The following FILIP1 variants were observed in gnomAD, a reference collection of about 807,000 sequenced individuals.
FILIP1 encodes the protein filamin-A-interacting protein 1.
FILIP1 carries 61 observed loss-of-function variants against 102.1 expected under a neutral mutation model. The observed-to-expected ratio is 0.60, with a 90% CI of 0.49 to 0.74. The LOEUF is 0.74. Among genes scored for constraint, FILIP1 ranks in the 30% least tolerant of loss-of-function variants. The probability of loss-of-function intolerance (pLI) is 0.00; values close to 1 mark genes in which losing one functional copy is unlikely to be tolerated. For missense variants in FILIP1, 1,314 were observed against 1,441.2 expected (o/e 0.91, Z 1.43); for synonymous variants, 491 against 526.9 (o/e 0.93, Z 0.93).
rs1300853700 is a variant in FILIP1, at chr6:75,420,843, G to A, written c.-6-5865C>T. On this transcript the variant is annotated intron_variant, in intron 1 of 5. Transcript: ENST00000237172. Reference sequence around the variant, plus strand: ...ATTGTTATTGCCCCAAACATAATCTGTTTAAGGACATTTAATAAGACTTCT... The same window carrying A: ...ATTGTTATTGCCCCAAACATAATCTATTTAAGGACATTTAATAAGACTTCT... Among the ~76,000 whole-genome samples, 5 of 152,054 alleles carry A rather than the reference G, an allele frequency of 3.3e-5. 1 individual carries two copies. The South Asian group carries it at 6.2e-4, about 19-fold the overall frequency.
intron 1 of FILIP1, among the ~76,000 whole-genome samples, chr6:75,478,053 G>A (rs1779538417): frequency 6.6e-6 from 1 of 152,182 alleles, no homozygotes. Context: ...CTCTTTACCT[G>A]TGGGTATGAG....
chr6:75,372,779 AAAG>A (rs1775616122), intron 2 of FILIP1, among the ~76,000 whole-genome samples: 1 of 79,440 alleles, frequency 1.3e-5, no homozygotes, highest in South Asian at 4.9e-4. Context: ...AGAAAGAAAG[AAAG>A]AAAGAAAGAA....
intron 4 of FILIP1, among the ~76,000 whole-genome samples, chr6:75,342,539 C>T (rs1774448557): frequency 6.6e-6 from 1 of 152,218 alleles, no homozygotes; most frequent in East Asian, 1.9e-4. Context: ...GCCTAGTTTC[C>T]TTTAGTAAAT....
Position 75,353,383 on chromosome 6 carries a change from T to C in FILIP1, c.629+156A>G, listed in dbSNP as rs372053792. Among the ~76,000 whole-genome samples, 45 of 152,316 alleles carry C rather than the reference T, an allele frequency of 3.0e-4. No individual in the cohort carries two copies. The East Asian group carries it at 8.7e-3, about 29-fold the overall frequency. On this transcript the variant is annotated intron_variant, in intron 4 of 5. Transcript: ENST00000237172. ...TAATAATCTCAGGTAAAATTCTGTA[T>C]CATTCTCTATGGTTACCACCCATTC...
At chr6:75,353,389 T>G in intron 4 of FILIP1, 150 bp downstream of exon 4, 2 of 704,660 alleles carry the variant, frequency 2.8e-6, no homozygotes, top group Admixed American at 2.7e-5. Flanking sequence ...TGTATCATTC[T>G]CTATGGTTAC....
At position 75,420,903 on chromosome 6, in the gene FILIP1, T is replaced by C. The variant is rs192197882; in HGVS notation, c.-6-5925A>G. Among the ~76,000 whole-genome samples the C allele has an allele frequency of 3.1e-3, 472 of 152,282 alleles. 4 individuals carry two copies. Among genetic ancestry groups the C allele is most frequent in the Non-Finnish European group, 3.9e-3 (267 of 68,018 alleles). On this transcript the variant is annotated intron_variant, in intron 1 of 5. Transcript: ENST00000237172. ...TGAAATACCAATTGATAGACACCAT[T>C]TGACGGTTTGAATTTATAACATTTT...
intron 1 of FILIP1, among the ~76,000 whole-genome samples, chr6:75,455,558 A>G (rs908883323): frequency 2.6e-5 from 4 of 152,118 alleles, no homozygotes; most frequent in African/African-American, 4.8e-5. Flanking sequence ...TTGTGGGGGG[A>G]AAATTTTTAA....
intron 2 of FILIP1, among the ~76,000 whole-genome samples, chr6:75,382,988 C>T (rs1775953739): frequency 6.6e-6 from 1 of 152,194 alleles, no homozygotes; most frequent in Non-Finnish European, 1.5e-5. Context: ...TGAGAGTCTT[C>T]ACCTATGTTT....
rs193244942 is a variant in FILIP1, at chr6:75,469,909, C to A, written c.-7+23505G>T. On this transcript the variant is annotated intron_variant, in intron 1 of 5. Transcript: ENST00000237172. The stretch of plus-strand genomic sequence containing the variant: ...GTGCATCTGTTTATGTGGGAAAAAA[C>A]TAAGAACAAAAAGAAACTTCCTTAA... 2.2e-3 allele frequency among the ~76,000 whole-genome samples: 339 copies of A among 152,028 alleles called. 1 individual carries two copies. Among genetic ancestry groups the A allele is most frequent in the South Asian group, 6.0e-3 (29 of 4,822 alleles).
intron 1 of FILIP1, among the ~76,000 whole-genome samples, chr6:75,488,138 T>G (rs983173155): frequency 1.3e-5 from 2 of 152,100 alleles, no homozygotes; most frequent in African/African-American, 4.8e-5. Flanking sequence ...ACCCAAACTT[T>G]CTTTTGATGT....
chr6:75,489,015 A>G (rs977341998), intron 1 of FILIP1, among the ~76,000 whole-genome samples: 3 of 152,154 alleles, frequency 2.0e-5, no homozygotes, highest in African/African-American at 7.2e-5. Flanking sequence ...CTAGGTTAGT[A>G]AAACAAAACA....
chr6:75,419,523 A>T (rs1446973651), intron 1 of FILIP1, among the ~76,000 whole-genome samples: 1 of 152,132 alleles, frequency 6.6e-6, no homozygotes, highest in East Asian at 1.9e-4. Flanking sequence ...TCATAGCAAA[A>T]AAGGAAAGCA....
chr6:75,465,254 C>T, intron 1 of FILIP1: 2 of 267,168 alleles, frequency 7.5e-6, no homozygotes, highest in Non-Finnish European at 1.4e-5. Flanking sequence ...ATGATGAAGA[C>T]ATGACACAAG....
chr6:75,378,013 TG>T (rs1245589709), intron 2 of FILIP1, among the ~76,000 whole-genome samples: 2 of 152,242 alleles, frequency 1.3e-5, no homozygotes, highest in African/African-American at 4.8e-5. Flanking sequence ...ACTGAATCAT[TG>T]CTCCCCAGGG....
chr6:75,347,427 G>T (rs2149594879), intron 4 of FILIP1, among the ~76,000 whole-genome samples: 1 of 152,306 alleles, frequency 6.6e-6, no homozygotes, highest in East Asian at 1.9e-4. Context: ...GTTGTTTTCT[G>T]CTGTTATGTT....
intron 1 of FILIP1, among the ~76,000 whole-genome samples, chr6:75,470,759 A>T (rs555906112): frequency 6.6e-6 from 1 of 152,194 alleles, no homozygotes; most frequent in African/African-American, 2.4e-5. Flanking sequence ...AAGACTTAAA[A>T]TTTTTTAATG....
chr6:75,379,585 A>G (rs1562523453), intron 2 of FILIP1, among the ~76,000 whole-genome samples: 1 of 152,202 alleles, frequency 6.6e-6, no homozygotes, highest in Non-Finnish European at 1.5e-5. Flanking sequence ...AAACCCAGCA[A>G]CAGGACCCAA....
In FILIP1 at chr6:75,317,649, G is replaced by A. The variant is rs1200653927; in HGVS notation, c.630-2447C>T. On this transcript the variant is annotated intron_variant, in intron 4 of 5. Transcript: ENST00000237172. ...AGAGCGTGATCTCAGCAGGAATTTGGCTTCCAGGAAACCACATTTTTCACG... is the reference window on the plus strand; with the variant it reads ...AGAGCGTGATCTCAGCAGGAATTTGACTTCCAGGAAACCACATTTTTCACG... Among the ~76,000 whole-genome samples, 4 of 152,136 alleles carry A rather than the reference G, an allele frequency of 2.6e-5. No individual in the cohort carries two copies. In the East Asian group the frequency reaches 7.7e-4, roughly 29 times the overall value.
At chr6:75,300,394 C>A (rs540658312) in intron 6 of FILIP1, among the ~76,000 whole-genome samples, 184 of 152,280 alleles carry the variant, frequency 1.2e-3, no homozygotes, top group African/African-American at 4.2e-3. Flanking sequence ...CCTAGAGGTA[C>A]CAGCTTAGGG....
Sources: gnomAD v4.1 joint callset for allele counts (sites outside exome capture counted in the v4.1 genomes callset) on GRCh38, gnomAD v4.1.1 for gene constraint, MANE v1.5 for transcripts, NCBI Gene and HGNC (gene_info 2026-07-23, HGNC 2026-07-21) for gene names.